ALOX15: variants seen among roughly 807,000 people sequenced by gnomAD.
The protein encoded by ALOX15 is arachidonate 15-lipoxygenase.
A neutral mutation model predicts 71.7 loss-of-function variants in ALOX15; 68 were observed. The ratio of observed to expected loss-of-function variants is 0.95; its 90% CI spans 0.78 to 1.16. ALOX15 has a LOEUF of 1.16. Among genes scored for constraint, ALOX15 ranks in the 50% most tolerant of loss-of-function variants. The pLI is 0.00. For synonymous variants in ALOX15, 346 were observed against 333.3 expected (o/e 1.04, Z -0.42); for missense variants, 798 against 818.8 (o/e 0.97, Z 0.31).
chr17:4,632,486 A>G (rs980954716), intron 11 of ALOX15, among the ~76,000 whole-genome samples: 3 of 152,056 alleles, frequency 2.0e-5, no homozygotes, highest in Non-Finnish European at 4.4e-5. Context: ...GCTGCTGCTG[A>G]CTCACACTGG....
chr17:4,631,895 G>A lies in ALOX15; in HGVS notation c.1803C>T (p.Pro601=), dbSNP rs141604903. 2.3e-4 allele frequency: 374 copies of A among 1,611,452 alleles called. No individual in the cohort carries two copies. Among genetic ancestry groups the A allele is most frequent in the Non-Finnish European group, 3.0e-4 (348 of 1,178,458 alleles). The part of the protein sequence containing the change: ...SITWQLGRRQ[P]VMVAVGQHEE... The stretch of plus-strand genomic sequence containing the variant: ...CTGGGCACTCAGCTCTCACCATAAC[G>A]GGCTGGCGTCTGCCCAGCTGCCAAG... The change falls in exon 13 of 14, where the codon CCC becomes CCT. Residue 601 remains proline (P), a synonymous_variant. Coordinates refer to ENST00000293761, the MANE Select transcript of ALOX15 (RefSeq NM_001140.5).
chr17:4,634,624 G>T (rs939389928), intron 8 of ALOX15, among the ~76,000 whole-genome samples: 1 of 151,264 alleles, frequency 6.6e-6, no homozygotes, highest in African/African-American at 2.4e-5. Context: ...ATCTGTCTAT[G>T]TATTGCATTA....
chr17:4,638,652 T>C lies in ALOX15; in HGVS notation c.575A>G (p.Asn192Ser). ...TAGATCCTTCCAGCAAGTCAGAACA[T>C]TTAGAGAGTCTTTGATAGCGAGGTC... The part of the protein sequence containing the change: ...LADLAIKDSL[N>S]VLTCWKDLDD... Residue 192 changes from asparagine (N) to serine (S), a missense_variant, in exon 5 of 14, where the codon AAT becomes AGT. Asn to Ser is a conservative substitution (Grantham distance 46). Coordinates refer to ENST00000293761, the MANE Select transcript of ALOX15 (RefSeq NM_001140.5). 6.2e-7 allele frequency: 1 copy of C among 1,614,114 alleles called. No individual in the cohort carries two copies. Among genetic ancestry groups the C allele is most frequent in the Non-Finnish European group, 8.5e-7 (1 of 1,180,014 alleles).
At chr17:4,640,585 C>A (rs922767360) in intron 1 of ALOX15, among the ~76,000 whole-genome samples, 2 of 137,952 alleles carry the variant, frequency 1.4e-5, no homozygotes, top group African/African-American at 6.0e-5. Context: ...CTTCCGTGCC[C>A]CGTCCCCTCA....
intron 6 of ALOX15, among the ~76,000 whole-genome samples, chr17:4,637,821 C>T (rs1159221361): frequency 2.0e-5 from 3 of 152,044 alleles, no homozygotes; most frequent in Non-Finnish European, 4.4e-5. Context: ...AATAGCAGAA[C>T]CAGGATTCAC....
At chr17:4,638,719 C>G in intron 4 of ALOX15, 35 bp from the exon 5 acceptor site, 1 of 1,613,424 alleles carries the variant, frequency 6.2e-7, no homozygotes, top group Non-Finnish European at 8.5e-7. Context: ...GTTTGAGCAT[C>G]ATTCTGAGGC....
Position 4,639,514 on chromosome 17 carries a change from C to T in ALOX15, c.253G>A (p.Gly85Ser), listed in dbSNP as rs779836155. 1.9e-5 allele frequency: 31 copies of T among 1,613,888 alleles called. No homozygotes were observed. In the South Asian group the frequency reaches 3.2e-4, roughly 17 times the overall value. Residue 85 changes from glycine (G) to serine (S), a missense_variant, in exon 2 of 14, where the codon GGC (glycine) becomes AGC (serine). Physicochemically the swap from Gly to Ser is moderately conservative, Grantham distance 56. This residue lies in a region of ALOX15 where 300 missense variants were observed against 283.1 expected (regional missense o/e 1.06). Transcript: ENST00000293761. ...CTGACCTCGTCCCCGGCTCCGGGGC[C>T]CTGCACAGAGATCCAGTTGCAGAAC... ...AWFCNWISVQ[G>S]PGAGDEVRFP...
At chr17:4,632,563 G>A (rs917626123) in intron 11 of ALOX15, among the ~76,000 whole-genome samples, 6 of 152,154 alleles carry the variant, frequency 3.9e-5, no homozygotes, top group African/African-American at 1.4e-4. Context: ...GGTAGTCACA[G>A]TAAAAATATT....
Position 4,633,146 on chromosome 17 carries a change from C to G in ALOX15, c.1418G>C (p.Arg473Pro). Residue 473 changes from arginine to proline, a missense_variant and splice_region_variant, in exon 10 of 14, where the codon CGG becomes CCG. This residue lies in a region of ALOX15 where 490 missense variants were observed against 509.4 expected (regional missense o/e 0.96). Coordinates refer to ENST00000293761, the MANE Select transcript of ALOX15 (RefSeq NM_001140.5). ...DALRLWEIIY[R>P]YVEGIVSLHY... ...CCACTGGCCTTCCCGCTTGCCTCACCGATAGATGATTTCCCAGAGCCGCAG... is the reference window on the plus strand; with the variant it reads ...CCACTGGCCTTCCCGCTTGCCTCACGGATAGATGATTTCCCAGAGCCGCAG... The G allele has an allele frequency of 1.9e-6, 3 of 1,613,586 alleles. No individual in the cohort carries two copies. Among genetic ancestry groups the G allele is most frequent in the Non-Finnish European group, 1.7e-6 (2 of 1,179,692 alleles).
In ALOX15 at chr17:4,638,862, G is replaced by A. The variant is rs748300660; in HGVS notation, c.530C>T (p.Ser177Leu). 18 of 1,614,050 alleles carry A rather than the reference G, an allele frequency of 1.1e-5. No homozygotes were observed. Among genetic ancestry groups the A allele is most frequent in the East Asian group, 4.5e-5 (2 of 44,888 alleles). Residue 177 changes from serine (S) to leucine (L), a missense_variant, in exon 4 of 14, where the codon TCG becomes TTG. By Grantham distance (145) the Ser-to-Leu change is moderately radical. Around this residue, in one of 3 missense-constraint regions of ALOX15, gnomAD observed 300 missense variants for 283.1 expected, o/e 1.06. Transcript: ENST00000293761. Reference protein sequence around the residue: ...LEDKRVDFEVSLAKGLADLAI... With the variant: ...LEDKRVDFEVLLAKGLADLAI... ...CCCTTGCTCTCACCCCTTGGCCAGC[G>A]AAACCTCAAAGTCAACTCTCTTGTC... is the stretch of plus-strand genomic sequence containing the variant.
chr17:4,637,342 G>T, intron 6 of ALOX15, 84 bp from the exon 7 acceptor site: 1 of 1,446,704 alleles, frequency 6.9e-7, no homozygotes, highest in South Asian at 1.4e-5. Context: ...GAAGAGAGTG[G>T]AGCTAACTCG....
chr17:4,636,098 G>A (rs545595311), intron 7 of ALOX15, 130 bp from the exon 8 acceptor site: 15 of 903,940 alleles, frequency 1.7e-5, no homozygotes, highest in Admixed American at 2.4e-5. Flanking sequence ...CACTCCTGCC[G>A]CTCCCTACGG....
intron 8 of ALOX15, among the ~76,000 whole-genome samples, chr17:4,634,852 A>G (rs1275666636): frequency 2.6e-5 from 4 of 151,634 alleles, no homozygotes; most frequent in Non-Finnish European, 4.4e-5. Flanking sequence ...GGTGGCAGGC[A>G]CCTGAATCCC....
At chr17:4,636,993 C>T in intron 7 of ALOX15, 122 bp downstream of exon 7, 1 of 1,232,794 alleles carries the variant, frequency 8.1e-7, no homozygotes, top group East Asian at 2.4e-5. Context: ...GCATTTCCTC[C>T]TTTCGCGTCT....
rs550531989 is a variant in ALOX15, at chr17:4,635,878, G to A, written c.1042C>T (p.Arg348Cys). 6.8e-6 allele frequency: 11 copies of A among 1,614,254 alleles called. No individual in the cohort carries two copies. Among genetic ancestry groups the A allele is most frequent in the African/African-American group, 5.3e-5 (4 of 75,076 alleles). The change falls in exon 8 of 14, where the codon CGC becomes TGC. Residue 348 changes from arginine to cysteine, a missense_variant. Physicochemically the swap from Arg to Cys is radical, Grantham distance 180. Coordinates refer to ENST00000293761, the MANE Select transcript of ALOX15 (RefSeq NM_001140.5). Reference protein sequence around the residue: ...MAWLLAKCWVRSSDFQLHELQ... With the variant: ...MAWLLAKCWVCSSDFQLHELQ... ...TCATGGAGCTGGAAGTCAGAGCTGC[G>A]CACCCAGCATTTGGCCAGAAGCCAG...
rs770448397 is a variant in ALOX15, at chr17:4,632,014, G to A, written c.1684C>T (p.Arg562Trp). Residue 562 changes from arginine (R) to tryptophan (W), a missense_variant, in exon 13 of 14, where the codon CGG (arginine) becomes TGG (tryptophan). Around this residue, in one of 3 missense-constraint regions of ALOX15, gnomAD observed 490 missense variants for 509.4 expected, o/e 0.96. Coordinates refer to ENST00000293761, the MANE Select transcript of ALOX15 (RefSeq NM_001140.5). ...SWVPNAPCTM[R>W]LPPPTTKDAT... ...TCCTTGGTGGTTGGCGGGGGCAGCC[G>A]CATCGTGCAGGGTGCATTAGGCACC... 100 of 1,613,528 alleles carry A rather than the reference G, an allele frequency of 6.2e-5. 1 individual carries two copies. Among genetic ancestry groups the A allele is most frequent in the South Asian group, 3.8e-4 (35 of 90,960 alleles).
intron 8 of ALOX15, 27 bp from the exon 9 acceptor site, chr17:4,633,527 A>G: frequency 6.3e-7 from 1 of 1,590,112 alleles, no homozygotes; most frequent in Non-Finnish European, 8.6e-7. Flanking sequence ...AGGGAAGGGC[A>G]GAGTCAGAGG....
chr17:4,639,305 AC>A, intron 2 of ALOX15, 124 bp downstream of exon 2: 2 of 1,330,378 alleles, frequency 1.5e-6, no homozygotes, highest in Middle Eastern at 5.0e-4. Flanking sequence ...CCCCTTCGAC[AC>A]CCCCAAAGAC....
At chr17:4,635,521 A>G (rs1202740530) in intron 8 of ALOX15, among the ~76,000 whole-genome samples, 1 of 152,030 alleles carries the variant, frequency 6.6e-6, no homozygotes, top group Non-Finnish European at 1.5e-5. Flanking sequence ...GGTCATTTGC[A>G]TGTACTGTGC....
Sources: allele counts gnomAD v4.1 joint callset (sites outside exome capture counted in the v4.1 genomes callset), GRCh38; gene constraint gnomAD v4.1.1; regional missense constraint gnomAD v4.1.1; transcripts MANE v1.5; gene names NCBI Gene and HGNC (gene_info 2026-07-23, HGNC 2026-07-21).